STARD13: variants seen among roughly 807,000 people sequenced by gnomAD.
The protein encoded by STARD13 is stAR-related lipid transfer protein 13.
STARD13 carries 62 observed loss-of-function variants against 106.4 expected under a neutral mutation model. That is an observed-to-expected ratio of 0.58 (90% CI 0.48 to 0.72). The LOEUF (loss-of-function observed/expected upper bound fraction) is 0.72. Among genes scored for constraint, STARD13 ranks in the 30% least tolerant of loss-of-function variants. The pLI, the probability that STARD13 is intolerant of heterozygous loss-of-function variation, is 0.00. For missense variants in STARD13, 1,387 were observed against 1,424.0 expected (o/e 0.97, Z 0.42); for synonymous variants, 565 against 553.0 (o/e 1.02, Z -0.31).
the STARD13 span, among the ~76,000 whole-genome samples, chr13:33,647,493 T>C: frequency 6.6e-6 from 1 of 152,188 alleles, no homozygotes; most frequent in Non-Finnish European, 1.5e-5. Context: ...CTGCTCCTTA[T>C]CTCAAATAAA....
the STARD13 span, among the ~76,000 whole-genome samples, chr13:33,614,227 C>T: frequency 1.3e-4 from 19 of 149,942 alleles, no homozygotes; most frequent in African/African-American, 3.9e-4. Flanking sequence ...CAGCAGGACC[C>T]GAAGGCTGCC....
At chr13:33,354,786 T>A (rs1176779489), upstream of STARD13, among the ~76,000 whole-genome samples, 1 of 151,798 alleles carries the variant, frequency 6.6e-6, no homozygotes, top group Admixed American at 6.5e-5. Flanking sequence ...TACATACTGA[T>A]AATTATAGTT....
chr13:33,241,609 T>C (rs1280128515), intron 1 of STARD13, among the ~76,000 whole-genome samples: 1 of 130,910 alleles, frequency 7.6e-6, no homozygotes, highest in African/African-American at 2.8e-5. Context: ...TGGACCATAC[T>C]GCCGCCATCT....
intron 1 of STARD13, among the ~76,000 whole-genome samples, chr13:33,282,056 A>G (rs145975631): frequency 6.6e-6 from 1 of 152,262 alleles, no homozygotes; most frequent in East Asian, 1.9e-4. Flanking sequence ...TTGGCCTAAC[A>G]TGGTCTTCCA....
chr13:33,171,170 T>TA (rs1191408954), intron 1 of STARD13, among the ~76,000 whole-genome samples: 9 of 152,240 alleles, frequency 5.9e-5, no homozygotes, highest in African/African-American at 2.2e-4. Flanking sequence ...TAAGAGCTAT[T>TA]AAAATCACAT....
At chr13:33,485,987 G>A in the STARD13 span, among the ~76,000 whole-genome samples, 80 of 152,166 alleles carry the variant, frequency 5.3e-4, no homozygotes, top group Non-Finnish European at 1.1e-3. Flanking sequence ...AATTCAGAGC[G>A]CTGAAGATGG....
chr13:33,219,919 T>C (rs1490846654), intron 1 of STARD13, among the ~76,000 whole-genome samples: 1 of 152,124 alleles, frequency 6.6e-6, no homozygotes, highest in Non-Finnish European at 1.5e-5. Flanking sequence ...GAGGAACGCT[T>C]TTCCATGATA....
chr13:33,118,882 G>A (rs1229555132), intron 7 of STARD13, among the ~76,000 whole-genome samples: 1 of 152,116 alleles, frequency 6.6e-6, no homozygotes, highest in African/African-American at 2.4e-5. Context: ...TGGAATTCTT[G>A]GCACTTACTT....
intron 1 of STARD13, among the ~76,000 whole-genome samples, chr13:33,215,855 C>T (rs1047421461): frequency 4.9e-4 from 75 of 152,172 alleles, no homozygotes; most frequent in African/African-American, 1.8e-3. Context: ...CAAACTCAAA[C>T]AAGTTAGCAA....
In STARD13 at chr13:33,164,898, T is replaced by G. The variant is rs190835474; in HGVS notation, c.323+439A>C. ...GACTTTGCAAAAAATACAGCCAAGT[T>G]TGACACACTCGTAGTTTTTCAGAGC... On this transcript the variant is annotated intron_variant, in intron 3 of 13. Transcript: ENST00000336934. Among the ~76,000 whole-genome samples the G allele has an allele frequency of 3.3e-3, 505 of 152,292 alleles. 2 individuals carry two copies. The highest frequency in any genetic ancestry group is 0.011 in the African/African-American group (474 of 41,552).
chr13:33,246,069 T>C (rs114782059), intron 1 of STARD13, among the ~76,000 whole-genome samples: 257 of 152,284 alleles, frequency 1.7e-3, no homozygotes, highest in African/African-American at 5.7e-3. Context: ...CAGAGAAACA[T>C]TGTAATGAAT....
the STARD13 span, among the ~76,000 whole-genome samples, chr13:33,488,601 G>A: frequency 0.02 from 3,079 of 152,230 alleles, 55 homozygotes; most frequent in Non-Finnish European, 0.033. Context: ...TTTTGGGCAT[G>A]AATACTCATT....
chr13:33,650,467 G>C, the STARD13 span, among the ~76,000 whole-genome samples: 1 of 152,060 alleles, frequency 6.6e-6, no homozygotes, highest in Admixed American at 6.5e-5. Flanking sequence ...TGGGATTACA[G>C]GCGTGAGCCA....
the STARD13 span, among the ~76,000 whole-genome samples, chr13:33,474,442 G>T: frequency 1.3e-5 from 2 of 152,164 alleles, no homozygotes; most frequent in African/African-American, 4.8e-5. Flanking sequence ...TGAGGTAAAA[G>T]CTAGTGGATC....
chr13:33,582,908 C>T, the STARD13 span, among the ~76,000 whole-genome samples: 1 of 152,180 alleles, frequency 6.6e-6, no homozygotes, highest in Non-Finnish European at 1.5e-5. Flanking sequence ...AATCACATTT[C>T]TCATATTGCT....
At chr13:33,659,968 T>C in the STARD13 span, 1 of 152,220 alleles carries the variant, frequency 6.6e-6, no homozygotes, top group South Asian at 2.1e-4. Context: ...TGGTTTTACA[T>C]GCTATTCTTT....
At chr13:33,509,677 T>C in the STARD13 span, among the ~76,000 whole-genome samples, 1 of 152,152 alleles carries the variant, frequency 6.6e-6, no homozygotes, top group South Asian at 2.1e-4. Context: ...GCTCTGGCTT[T>C]GTTACCACTG....
rs374569795 is a variant in STARD13 at position 33,284,696 on chromosome 13, A to G, written c.169+774T>C. Among the ~76,000 whole-genome samples, 217 of 151,448 alleles carry G rather than the reference A, an allele frequency of 1.4e-3. 2 individuals carry two copies. The highest frequency in any genetic ancestry group is 5.1e-3 in the African/African-American group (209 of 41,318). On this transcript the variant is annotated intron_variant, in intron 1 of 13. Coordinates refer to ENST00000336934, the MANE Select transcript of STARD13 (RefSeq NM_178006.4). ...AGGAATGTTCGTCTTTCTGCTTTCT[A>G]CTGATATACCCTATAAGGAGCATGT... is the stretch of plus-strand genomic sequence containing the variant.
the STARD13 span, among the ~76,000 whole-genome samples, chr13:33,394,167 T>C: frequency 1.3e-5 from 2 of 152,066 alleles, no homozygotes; most frequent in Admixed American, 6.5e-5. Flanking sequence ...GTTAGTCCTT[T>C]AATTTTTATG....
Sources: gnomAD v4.1 joint callset for allele counts (sites outside exome capture counted in the v4.1 genomes callset) on GRCh38, gnomAD v4.1.1 for gene constraint, MANE v1.5 for transcripts, NCBI Gene and HGNC (gene_info 2026-07-23, HGNC 2026-07-21) for gene names.